Variants in ACTN1 observed in about 807,000 individuals in gnomAD.
ACTN1 encodes the protein actinin alpha 1, also known as alpha-actinin-1.
A neutral mutation model predicts 119.6 loss-of-function variants in ACTN1; 30 were observed. That is an observed-to-expected ratio of 0.25 (90% CI 0.19 to 0.34). The LOEUF (loss-of-function observed/expected upper bound fraction) is 0.34. Ranked by LOEUF, ACTN1 falls within the 10% of genes least tolerant of loss-of-function variation. The probability of loss-of-function intolerance (pLI) is 1.00; values close to 1 mark genes in which losing one functional copy is unlikely to be tolerated. For synonymous variants in ACTN1, 429 were observed against 472.6 expected (o/e 0.91, Z 1.20); for missense variants, 764 against 1,223.4 (o/e 0.62, Z 5.60).
At chr14:68,875,103 G>A (rs1410406403) in intron 21 of ACTN1, 86 bp from the exon 22 acceptor site, 29 of 1,577,916 alleles carry the variant, frequency 1.8e-5, no homozygotes, top group African/African-American at 2.7e-5. Flanking sequence ...GCCTGGCGGC[G>A]TGAAGGCAGC....
intron 3 of ACTN1, among the ~76,000 whole-genome samples, chr14:68,914,438 AT>A (rs1449351347): frequency 1.3e-5 from 2 of 152,188 alleles, no homozygotes; most frequent in East Asian, 3.9e-4. Flanking sequence ...AAGAAATAAG[AT>A]CACCTTCCCA....
Position 68,882,771 on chromosome 14 carries a change from A to T in ACTN1, c.1818+102T>A. The T allele has an allele frequency of 1.3e-6, 2 of 1,530,528 alleles. No homozygotes were observed. Among genetic ancestry groups the T allele is most frequent in the South Asian group, 1.2e-5 (1 of 82,442 alleles). 94.8% of individuals were successfully genotyped at this position (1,530,528 alleles called of 1,614,324 possible). A position where few individuals can be genotyped will look rare whatever the true frequency, so the allele number is the denominator to read the frequency against. On this transcript the variant is annotated intron_variant, in intron 15 of 21. Transcript: ENST00000394419. This position sits in a 1 kb window ranked among gnomAD's most constrained non-coding sequence, Gnocchi z 4.5. Reference sequence around the variant, plus strand: ...TTTGGACAAACAATGAGTGTTTACTATATGACAATTTTAAATGAAATTGAC... The same window carrying T: ...TTTGGACAAACAATGAGTGTTTACTTTATGACAATTTTAAATGAAATTGAC...
At chr14:68,931,011 G>A (rs2035199544) in intron 1 of ACTN1, among the ~76,000 whole-genome samples, 2 of 152,162 alleles carry the variant, frequency 1.3e-5, no homozygotes, top group South Asian at 2.1e-4. Flanking sequence ...CCACACGGCT[G>A]GATTATATTC....
At chr14:68,960,588 T>C (rs2036499405) in intron 1 of ACTN1, among the ~76,000 whole-genome samples, 1 of 152,160 alleles carries the variant, frequency 6.6e-6, no homozygotes, top group Non-Finnish European at 1.5e-5. Flanking sequence ...ACCTCCACTA[T>C]GACATAGCTC....
At chr14:68,877,986 C>G (rs2031081687) in intron 20 of ACTN1, 1 of 163,954 alleles carries the variant, frequency 6.1e-6, no homozygotes, top group Non-Finnish European at 1.3e-5. Flanking sequence ...CTCAGAATGT[C>G]TGTGCAAGGG....
intron 4 of ACTN1, among the ~76,000 whole-genome samples, chr14:68,911,406 A>G (rs2033996074): frequency 6.6e-6 from 1 of 152,162 alleles, no homozygotes; most frequent in South Asian, 2.1e-4. Flanking sequence ...AACCCTAAAT[A>G]CCAAGTACCC....
intron 3 of ACTN1, among the ~76,000 whole-genome samples, 169 bp downstream of exon 3, chr14:68,920,837 C>T (rs1316784277): frequency 2.6e-5 from 4 of 152,304 alleles, no homozygotes; most frequent in East Asian, 3.9e-4. Context: ...AGAAGAAAAG[C>T]GCTGTTGCAA....
intron 6 of ACTN1, among the ~76,000 whole-genome samples, chr14:68,908,010 CT>C (rs112626957): frequency 1.3e-3 from 189 of 146,646 alleles, no homozygotes; most frequent in Middle Eastern, 7.1e-3. Flanking sequence ...GGAAGGTTCT[CT>C]TTTTTTTTTT....
rs1400642926 is a variant in ACTN1 at position 68,882,758 on chromosome 14, A to G, written c.1818+115T>C. 9 of 1,510,528 alleles carry G rather than the reference A, an allele frequency of 6.0e-6. No homozygotes were observed. In the South Asian group the frequency reaches 9.9e-5, roughly 17 times the overall value. 93.6% of individuals were successfully genotyped at this position (1,510,528 alleles called of 1,614,324 possible). A position where few individuals can be genotyped will look rare whatever the true frequency, so the allele number is the denominator to read the frequency against. On this transcript the variant is annotated intron_variant, in intron 15 of 21. Transcript: ENST00000394419. The surrounding 1 kb of genome is among the most constrained non-coding windows in gnomAD (Gnocchi z 4.5). ...CAGTCATTTGACATTTGGACAAACAATGAGTGTTTACTATATGACAATTTT... is the reference window on the plus strand; with the variant it reads ...CAGTCATTTGACATTTGGACAAACAGTGAGTGTTTACTATATGACAATTTT...
rs1431214341 is a variant in ACTN1, at chr14:68,891,155, C to G, written c.1087-869G>C. On this transcript the variant is annotated intron_variant, in intron 10 of 21. Coordinates refer to ENST00000394419, the MANE Select transcript of ACTN1 (RefSeq NM_001130004.2). The stretch of plus-strand genomic sequence containing the variant: ...CCCACGATGCTGTCTGCCTTTCACC[C>G]TCCCCTTCTAGACCTGTCATGTGCC... Among the ~76,000 whole-genome samples, 5 of 151,844 alleles carry G rather than the reference C, an allele frequency of 3.3e-5. No individual in the cohort carries two copies. The East Asian group carries it at 9.8e-4, about 30-fold the overall frequency.
At position 68,979,139 on chromosome 14, in the gene ACTN1, G is replaced by T; in HGVS notation, c.-83C>A. 7.2e-6 allele frequency: 6 copies of T among 837,418 alleles called. No homozygotes were observed. Among genetic ancestry groups the T allele is most frequent in the Non-Finnish European group, 9.4e-6 (5 of 534,358 alleles). 51.9% of individuals were successfully genotyped at this position (837,418 alleles called of 1,614,324 possible). A position where few individuals can be genotyped will look rare whatever the true frequency, so the allele number is the denominator to read the frequency against. ...GCTGCTGCCCTGGCGTGGGGAGGGA[G>T]TAGGGCTGGGCTGGGCTGGGCTGGC... is the stretch of plus-strand genomic sequence containing the variant. On this transcript the variant is annotated 5_prime_UTR_variant, in exon 1 of 22. Coordinates refer to ENST00000394419, the MANE Select transcript of ACTN1 (RefSeq NM_001130004.2).
chr14:68,932,007 T>A (rs1226664559), intron 1 of ACTN1, among the ~76,000 whole-genome samples: 2 of 152,020 alleles, frequency 1.3e-5, no homozygotes, highest in African/African-American at 4.8e-5. Flanking sequence ...GGATTTTTTT[T>A]TCAGCCTGCC....
intron 8 of ACTN1, among the ~76,000 whole-genome samples, chr14:68,898,122 G>A (rs993118403): frequency 6.6e-6 from 1 of 152,224 alleles, no homozygotes; most frequent in Non-Finnish European, 1.5e-5. Flanking sequence ...GCCACTGCCG[G>A]CTCCTTTTTT....
chr14:68,878,283 G>A lies in ACTN1; in HGVS notation c.2427+175C>T, dbSNP rs1044649379. ...AGGCCTCCCGGATACACACACGCCC[G>A]TGGCCGGGCCGGCTTTCAGGGAGCC... On this transcript the variant is annotated intron_variant, in intron 20 of 21. Coordinates refer to ENST00000394419, the MANE Select transcript of ACTN1 (RefSeq NM_001130004.2). This position sits in a 1 kb window ranked among gnomAD's most constrained non-coding sequence, Gnocchi z 4.4. 4.4e-6 allele frequency: 4 copies of A among 902,758 alleles called. No homozygotes were observed. The highest frequency in any genetic ancestry group is 6.4e-6 in the Non-Finnish European group (4 of 624,592). The allele number at this position is 902,758 out of a possible 1,614,324, so 55.9% of individuals were successfully genotyped here. A position where few individuals can be genotyped will look rare whatever the true frequency, so the allele number is the denominator to read the frequency against.
chr14:68,900,954 GAGA>G (rs1236610727), intron 8 of ACTN1: 1 of 152,406 alleles, frequency 6.6e-6, no homozygotes, highest in Non-Finnish European at 1.5e-5. Flanking sequence ...CATCTGCACA[GAGA>G]AGGAGAAGAG....
chr14:68,967,766 C>T (rs935653676), intron 1 of ACTN1, among the ~76,000 whole-genome samples: 1 of 152,200 alleles, frequency 6.6e-6, no homozygotes, highest in Non-Finnish European at 1.5e-5. Context: ...CACTTGTTGT[C>T]CTTGAAGCCT....
At chr14:68,893,592 G>C in intron 9 of ACTN1, 63 bp downstream of exon 9, 1 of 1,469,744 alleles carries the variant, frequency 6.8e-7, no homozygotes, top group Non-Finnish European at 9.5e-7. Context: ...AAGACTTGGA[G>C]GTACACGTTC....
At chr14:68,887,925 CT>C in intron 11 of ACTN1, 1 of 898,278 alleles carries the variant, frequency 1.1e-6, no homozygotes, top group Non-Finnish European at 1.9e-6. Flanking sequence ...CCCTTTTTCC[CT>C]TTTGTTTGCA....
In ACTN1 at chr14:68,880,948, C is replaced by G; in HGVS notation, c.1995G>C (p.Glu665Asp). 6.2e-7 allele frequency: 1 copy of G among 1,614,134 alleles called. No homozygotes were observed. Among genetic ancestry groups the G allele is most frequent in the Non-Finnish European group, 8.5e-7 (1 of 1,180,020 alleles). The change falls in exon 17 of 22, where the codon GAG becomes GAC. Residue 665 changes from glutamate to aspartate, a missense_variant. This residue lies in a region of ACTN1 where 544 missense variants were observed against 912.0 expected (regional missense o/e 0.60). Transcript: ENST00000394419. This position sits in a 1 kb window ranked among gnomAD's most constrained non-coding sequence, Gnocchi z 4.6. ...ACTGCCGCAGGTGGCTGAGCTGGTC[C>G]TCCAGGGTCCCATGCATCTCAATGG... ...RISIEMHGTLEDQLSHLRQYE... is the reference protein window; with the variant it reads ...RISIEMHGTLDDQLSHLRQYE...
Sources: gnomAD v4.1 joint callset for allele counts (sites outside exome capture counted in the v4.1 genomes callset) on GRCh38, gnomAD v4.1.1 for gene constraint, gnomAD v4.1.1 regional missense constraint, Gnocchi (gnomAD v3.1) non-coding constraint, MANE v1.5 for transcripts, NCBI Gene and HGNC (gene_info 2026-07-23, HGNC 2026-07-21) for gene names.